CADPS2: variants seen among roughly 807,000 people sequenced by gnomAD.
CADPS2 encodes the protein calcium-dependent secretion activator 2.
CADPS2 carries 93 observed loss-of-function variants against 172.5 expected under a neutral mutation model. The ratio of observed to expected loss-of-function variants is 0.54; its 90% confidence interval spans 0.46 to 0.64. The LOEUF (loss-of-function observed/expected upper bound fraction) is 0.64, where lower values mean the gene tolerates loss of function less well. Among genes scored for constraint, CADPS2 ranks in the 30% least tolerant of loss-of-function variants. CADPS2 has a pLI of 0.00. For synonymous variants in CADPS2, 546 were observed against 555.2 expected (o/e 0.98, Z 0.23); for missense variants, 1,420 against 1,565.9 (o/e 0.91, Z 1.57).
At chr7:122,607,863 T>C (rs1342531350) in intron 6 of CADPS2, among the ~76,000 whole-genome samples, 3 of 152,136 alleles carry the variant, frequency 2.0e-5, no homozygotes, top group Non-Finnish European at 2.9e-5. Context: ...ATTTTGAAGA[T>C]GGAAATGAGA....
chr7:122,473,372 G>A (rs2056226004), intron 13 of CADPS2, among the ~76,000 whole-genome samples: 1 of 152,106 alleles, frequency 6.6e-6, no homozygotes, highest in Non-Finnish European at 1.5e-5. Flanking sequence ...GGCTTGGGAG[G>A]CTGCCTGATT....
chr7:122,583,302 C>A (rs1013338570), intron 6 of CADPS2, among the ~76,000 whole-genome samples: 1 of 151,912 alleles, frequency 6.6e-6, no homozygotes, highest in Non-Finnish European at 1.5e-5. Context: ...TGAAAACCAA[C>A]ATTCCTGCCA....
intron 1 of CADPS2, among the ~76,000 whole-genome samples, chr7:122,753,798 T>C (rs1436677375): frequency 6.6e-6 from 1 of 152,170 alleles, no homozygotes; most frequent in African/African-American, 2.4e-5. Flanking sequence ...CTTGGGGACA[T>C]ACACACTTAC....
intron 11 of CADPS2, among the ~76,000 whole-genome samples, chr7:122,484,666 CTTTT>C (rs34182273): frequency 2.7e-5 from 4 of 145,872 alleles, no homozygotes; most frequent in Non-Finnish European, 6.0e-5. Flanking sequence ...TTAAGAATTT[CTTTT>C]TTTTTTTTTC....
intron 14 of CADPS2, among the ~76,000 whole-genome samples, chr7:122,459,282 T>C (rs981492764): frequency 6.6e-6 from 1 of 151,976 alleles, no homozygotes; most frequent in Admixed American, 6.6e-5. Context: ...AATGTAGGCA[T>C]TTTTCCTCCA....
At chr7:122,354,580 G>C (rs112122647) in intron 27 of CADPS2, among the ~76,000 whole-genome samples, 1 of 151,490 alleles carries the variant, frequency 6.6e-6, no homozygotes, top group African/African-American at 2.4e-5. Flanking sequence ...CTTTTTTTTT[G>C]GGGGGGAGGG....
chr7:122,476,606 T>A (rs958221330), intron 12 of CADPS2, among the ~76,000 whole-genome samples: 3 of 152,144 alleles, frequency 2.0e-5, no homozygotes, highest in Non-Finnish European at 4.4e-5. Flanking sequence ...TACAAACAAT[T>A]ACCATTGGTG....
At chr7:122,764,420 T>A (rs2138857655) in intron 1 of CADPS2, among the ~76,000 whole-genome samples, 1 of 152,146 alleles carries the variant, frequency 6.6e-6, no homozygotes, top group East Asian at 1.9e-4. Flanking sequence ...ATTTGAAAAA[T>A]ATTTAGTTCC....
At chr7:122,648,479 C>G (rs914533214) in intron 3 of CADPS2, among the ~76,000 whole-genome samples, 1 of 152,054 alleles carries the variant, frequency 6.6e-6, no homozygotes, top group African/African-American at 2.4e-5. Context: ...CTGCCCACCC[C>G]GCCAAAATAA....
chr7:122,411,278 C>T (rs565523726), intron 19 of CADPS2, among the ~76,000 whole-genome samples: 121 of 149,518 alleles, frequency 8.1e-4, no homozygotes, highest in Middle Eastern at 3.5e-3. Flanking sequence ...TGGAGTGCAG[C>T]GGCACAATCT....
At position 122,634,349 on chromosome 7, in the gene CADPS2, A is replaced by G. The variant is rs139960407; in HGVS notation, c.787-5021T>C. 8.8e-3 allele frequency among the ~76,000 whole-genome samples: 1,339 copies of G among 152,246 alleles called. 13 individuals carry two copies. Among genetic ancestry groups the G allele is most frequent in the Non-Finnish European group, 0.014 (935 of 68,022 alleles). On this transcript the variant is annotated intron_variant, in intron 3 of 29. Transcript: ENST00000449022. ...TTTAAATTACTGATTCAATTTCAGC[A>G]TTTGTTACTGGTCTGTTCAGGTTTT...
intron 29 of CADPS2, among the ~76,000 whole-genome samples, chr7:122,325,127 T>C (rs1342432115): frequency 6.6e-6 from 1 of 152,128 alleles, no homozygotes; most frequent in African/African-American, 2.4e-5. Context: ...CACAATGATA[T>C]ATGATCCTAA....
At chr7:122,551,814 G>A (rs931784470) in intron 8 of CADPS2, among the ~76,000 whole-genome samples, 3 of 152,072 alleles carry the variant, frequency 2.0e-5, no homozygotes, top group Admixed American at 6.6e-5. Flanking sequence ...GGCCCAAAGC[G>A]AAATGCTATT....
At position 122,393,541 on chromosome 7, in the gene CADPS2, T is replaced by C; in HGVS notation, c.2788A>G (p.Ile930Val). Residue 930 changes from isoleucine to valine, a missense_variant, in exon 21 of 30, where the codon ATC (isoleucine) becomes GTC (valine). Coordinates refer to ENST00000449022, the MANE Select transcript of CADPS2 (RefSeq NM_017954.11). ...TAGCGGACAACCAAGGGTACAAAGA[T>C]TTCTTGCAAGTGTTTGTGAAATTTT... ...NGKFHKHLQEIFVPLVVRYVD... is the reference protein window; with the variant it reads ...NGKFHKHLQEVFVPLVVRYVD... The C allele has an allele frequency of 6.2e-7, 1 of 1,613,760 alleles. No individual in the cohort carries two copies. The highest frequency in any genetic ancestry group is 8.5e-7 in the Non-Finnish European group (1 of 1,179,818).
chr7:122,363,125 G>A (rs963776165), intron 25 of CADPS2, among the ~76,000 whole-genome samples: 3 of 152,186 alleles, frequency 2.0e-5, no homozygotes, highest in African/African-American at 7.2e-5. Context: ...ATCATGACTG[G>A]CTAACTCAAC....
At chr7:122,700,799 T>C (rs1406597032) in intron 2 of CADPS2, among the ~76,000 whole-genome samples, 1 of 152,158 alleles carries the variant, frequency 6.6e-6, no homozygotes, top group Admixed American at 6.6e-5. Flanking sequence ...CTACCATAGC[T>C]GAGTCACTAT....
intron 9 of CADPS2, among the ~76,000 whole-genome samples, chr7:122,505,803 T>C (rs145325486): frequency 5.3e-5 from 8 of 152,314 alleles, no homozygotes; most frequent in African/African-American, 1.9e-4. Context: ...TTCCATAAAA[T>C]GTTGCCATAT....
intron 17 of CADPS2, among the ~76,000 whole-genome samples, chr7:122,432,476 C>G (rs2050064554): frequency 6.6e-6 from 1 of 151,444 alleles, no homozygotes; most frequent in Non-Finnish European, 1.5e-5. Context: ...CCCATCTCTA[C>G]CAAAAATACA....
chr7:122,732,937 T>C (rs1469401594), intron 2 of CADPS2, among the ~76,000 whole-genome samples: 1 of 147,742 alleles, frequency 6.8e-6, no homozygotes, highest in African/African-American at 2.5e-5. Flanking sequence ...ACATATTATA[T>C]ACAGATTCAG....
Sources: allele counts gnomAD v4.1 joint callset (sites outside exome capture counted in the v4.1 genomes callset), GRCh38; gene constraint gnomAD v4.1.1; transcripts MANE v1.5; gene names NCBI Gene and HGNC (gene_info 2026-07-23, HGNC 2026-07-21).